Variants in GPATCH2 observed in about 807,000 individuals in gnomAD.
GPATCH2 encodes the protein G-patch domain containing 2.
In GPATCH2, 51 loss-of-function variants were observed where a neutral mutation model predicts 58.0. The ratio of observed to expected loss-of-function variants is 0.88; its 90% confidence interval spans 0.70 to 1.11. The LOEUF is 1.11. GPATCH2 is among the 50% of genes most tolerant of loss of function. The probability of loss-of-function intolerance (pLI) is 0.00; values close to 1 mark genes in which losing one functional copy is unlikely to be tolerated. For synonymous variants in GPATCH2, 222 were observed against 218.5 expected (o/e 1.02, Z -0.14); for missense variants, 625 against 652.2 (o/e 0.96, Z 0.45).
chr1:217,564,040 G>A (rs1472721519), intron 5 of GPATCH2, among the ~76,000 whole-genome samples: 7 of 63,274 alleles, frequency 1.1e-4, no homozygotes, highest in East Asian at 5.1e-4. Flanking sequence ...GCAAAACTCC[G>A]TCTCGAAAAA....
At chr1:217,610,013 C>G in intron 5 of GPATCH2, 1 of 1,414,182 alleles carries the variant, frequency 7.1e-7, no homozygotes. Flanking sequence ...TACCAGTCCT[C>G]CAGCAAAAAC....
chr1:217,534,130 C>T lies in GPATCH2; in HGVS notation c.1099-19241G>A, dbSNP rs953373980. On this transcript the variant is annotated intron_variant, in intron 5 of 9. Transcript: ENST00000366935. ...ACTCAGGAGGCTGAGGCAGGAGAAT[C>T]GCTTGAACCCAGGAAGTGGAGGTTG... is the stretch of plus-strand genomic sequence containing the variant. Among the ~76,000 whole-genome samples, 4 of 152,100 alleles carry T rather than the reference C, an allele frequency of 2.6e-5. No homozygotes were observed. The South Asian group carries it at 8.3e-4, about 32-fold the overall frequency.
intron 9 of GPATCH2, among the ~76,000 whole-genome samples, chr1:217,437,883 G>T (rs1028512673): frequency 3.9e-5 from 6 of 152,224 alleles, no homozygotes; most frequent in African/African-American, 1.4e-4. Context: ...CTTGAGCTCT[G>T]CTAACGGAAA....
intron 5 of GPATCH2, among the ~76,000 whole-genome samples, chr1:217,589,533 T>C (rs1006361943): frequency 6.6e-6 from 1 of 152,224 alleles, no homozygotes; most frequent in African/African-American, 2.4e-5. Flanking sequence ...TTTGGGTCTT[T>C]GGCTTGTATC....
intron 5 of GPATCH2, chr1:217,610,083 C>A (rs1668550446): frequency 3.3e-6 from 5 of 1,522,934 alleles, no homozygotes; most frequent in Non-Finnish European, 3.5e-6. Context: ...GGGAAGAGGA[C>A]AGGAGCCAGG....
intron 5 of GPATCH2, chr1:217,609,336 C>T (rs1370781596): frequency 2.0e-6 from 2 of 985,096 alleles, no homozygotes; most frequent in East Asian, 1.1e-4. Context: ...CAGAATCACA[C>T]AGCATTTGTT....
At chr1:217,436,408 C>T (rs1658833824) in intron 9 of GPATCH2, among the ~76,000 whole-genome samples, 1 of 152,080 alleles carries the variant, frequency 6.6e-6, no homozygotes, top group Non-Finnish European at 1.5e-5. Flanking sequence ...GTAACTTAAC[C>T]TTGACCACAC....
intron 5 of GPATCH2, among the ~76,000 whole-genome samples, chr1:217,535,517 T>C (rs1247603905): frequency 6.6e-6 from 1 of 152,058 alleles, no homozygotes; most frequent in Non-Finnish European, 1.5e-5. Context: ...GCCTGGCTAA[T>C]TTGTTTTATA....
chr1:217,475,631 T>TC (rs1457539297), intron 8 of GPATCH2, among the ~76,000 whole-genome samples: 1 of 151,882 alleles, frequency 6.6e-6, no homozygotes, highest in Non-Finnish European at 1.5e-5. Flanking sequence ...TTAAGGGTGC[T>TC]CCAATACTGA....
At chr1:217,622,702 C>T (rs1276357253) in intron 1 of GPATCH2, among the ~76,000 whole-genome samples, 1 of 152,194 alleles carries the variant, frequency 6.6e-6, no homozygotes, top group African/African-American at 2.4e-5. Context: ...CGCCACCATG[C>T]CCGGCTAATT....
intron 9 of GPATCH2, among the ~76,000 whole-genome samples, chr1:217,443,427 T>G (rs1313372780): frequency 6.6e-6 from 1 of 152,192 alleles, no homozygotes; most frequent in Non-Finnish European, 1.5e-5. Context: ...TTACGTAGGT[T>G]ATATTTTTTC....
intron 8 of GPATCH2, among the ~76,000 whole-genome samples, chr1:217,479,023 T>C (rs979685217): frequency 6.6e-6 from 1 of 152,104 alleles, no homozygotes; most frequent in Non-Finnish European, 1.5e-5. Context: ...TAGAATAGTT[T>C]ATCTGGTCAA....
intron 5 of GPATCH2, among the ~76,000 whole-genome samples, chr1:217,575,774 TA>T (rs1666776163): frequency 6.6e-6 from 1 of 152,148 alleles, no homozygotes; most frequent in Non-Finnish European, 1.5e-5. Context: ...AATGTAAGGG[TA>T]ATCAGAATGC....
chr1:217,450,862 G>A (rs1385869452), intron 8 of GPATCH2, among the ~76,000 whole-genome samples: 3 of 152,072 alleles, frequency 2.0e-5, no homozygotes, highest in African/African-American at 4.8e-5. Flanking sequence ...TTTTTAAAAA[G>A]TAGAATGATG....
At chr1:217,477,008 G>T (rs1188379919) in intron 8 of GPATCH2, among the ~76,000 whole-genome samples, 1 of 152,050 alleles carries the variant, frequency 6.6e-6, no homozygotes, top group Admixed American at 6.5e-5. Context: ...GGAAGAGTGG[G>T]GAGGACTTTG....
chr1:217,623,147 C>A (rs1669281129), intron 1 of GPATCH2, among the ~76,000 whole-genome samples: 1 of 152,054 alleles, frequency 6.6e-6, no homozygotes, highest in Non-Finnish European at 1.5e-5. Context: ...GTATTAAAAT[C>A]AATATCCTCT....
chr1:217,488,691 A>T (rs1056142839), intron 8 of GPATCH2, among the ~76,000 whole-genome samples: 4 of 151,824 alleles, frequency 2.6e-5, no homozygotes, highest in Non-Finnish European at 5.9e-5. Flanking sequence ...TTTAATTTTT[A>T]AAAAACTATT....
intron 8 of GPATCH2, among the ~76,000 whole-genome samples, chr1:217,467,363 A>G (rs1014296134): frequency 1.2e-4 from 19 of 152,228 alleles, no homozygotes; most frequent in Non-Finnish European, 7.3e-5. Flanking sequence ...CTAATTATAC[A>G]TTGGTATACC....
chr1:217,461,806 T>G (rs1660211799), intron 8 of GPATCH2, among the ~76,000 whole-genome samples: 1 of 152,124 alleles, frequency 6.6e-6, no homozygotes, highest in Non-Finnish European at 1.5e-5. Flanking sequence ...ATTTTGCATT[T>G]CACTAACTGT....
Sources: allele counts gnomAD v4.1 joint callset (sites outside exome capture counted in the v4.1 genomes callset), GRCh38; gene constraint gnomAD v4.1.1; transcripts MANE v1.5; gene names NCBI Gene and HGNC (gene_info 2026-07-23, HGNC 2026-07-21).